PREX2: variants seen among roughly 807,000 people sequenced by gnomAD.
The protein encoded by PREX2 is phosphatidylinositol 3,4,5-trisphosphate-dependent Rac exchanger 2 protein.
In PREX2, 107 loss-of-function variants were observed where a neutral mutation model predicts 203.2. The observed-to-expected ratio is 0.53, with a 90% CI of 0.45 to 0.62. The LOEUF (loss-of-function observed/expected upper bound fraction) is 0.62, where lower values mean the gene tolerates loss of function less well. Among genes scored for constraint, PREX2 ranks in the 20% least tolerant of loss-of-function variants. The pLI is 0.00. For synonymous variants in PREX2, 672 were observed against 663.6 expected (o/e 1.01, Z -0.19); for missense variants, 1,777 against 1,955.9 (o/e 0.91, Z 1.72).
intron 1 of PREX2, among the ~76,000 whole-genome samples, chr8:68,016,176 A>G (rs1473930741): frequency 6.6e-6 from 1 of 152,176 alleles, no homozygotes; most frequent in Non-Finnish European, 1.5e-5. Flanking sequence ...ACAAAGGTCA[A>G]TTTCCTATTA....
intron 1 of PREX2, among the ~76,000 whole-genome samples, chr8:67,998,987 T>C (rs1806851206): frequency 6.6e-6 from 1 of 152,192 alleles, no homozygotes; most frequent in South Asian, 2.1e-4. Context: ...AGAGAGCGAT[T>C]TTGTAACTTA....
chr8:68,047,469 T>TTATATATATATA (rs3056653), intron 8 of PREX2, among the ~76,000 whole-genome samples: 1 of 117,630 alleles, frequency 8.5e-6, no homozygotes, highest in Admixed American at 8.9e-5. Context: ...ATGGATGAAT[T>TTATATATATATA]TATATATATA....
chr8:67,976,556 GAGAGAGACAGAGAC>G (rs1373919373), intron 1 of PREX2, among the ~76,000 whole-genome samples: 14 of 114,954 alleles, frequency 1.2e-4, no homozygotes, highest in Non-Finnish European at 1.7e-4. Flanking sequence ...GAGACAGAGA[GAGAGAGACAGAGAC>G]AGAGACAGAG....
rs1245933892 is a variant in PREX2, at chr8:68,201,276, G to A, written c.4604+8751G>A. 2.0e-5 allele frequency among the ~76,000 whole-genome samples: 3 copies of A among 151,420 alleles called. No individual in the cohort carries two copies. In the East Asian group the frequency reaches 5.8e-4, roughly 29 times the overall value. On this transcript the variant is annotated intron_variant, in intron 37 of 39. Coordinates refer to ENST00000288368, the MANE Select transcript of PREX2 (RefSeq NM_024870.4). ...CGATGTAAATGATTCTCTTTTTTTT[G>A]CATGTTAAGAGAGCAGGAGAGCAGG...
In PREX2 at chr8:67,979,933, C is replaced by T. The variant is rs1192562615; in HGVS notation, c.141+27398C>T. Among the ~76,000 whole-genome samples the T allele has an allele frequency of 2.0e-5, 3 of 152,134 alleles. No individual in the cohort carries two copies. In the East Asian group the frequency reaches 5.8e-4, roughly 29 times the overall value. On this transcript the variant is annotated intron_variant, in intron 1 of 39. Transcript: ENST00000288368. ...GAGGAGATCATGGTCTACTGCAATA[C>T]CAGACATGTAGACAGACACTTACAA...
At chr8:68,228,907 ACT>A (rs1281430764) in intron 39 of PREX2, among the ~76,000 whole-genome samples, 1 of 145,742 alleles carries the variant, frequency 6.9e-6, no homozygotes, top group African/African-American at 2.5e-5. Flanking sequence ...GTACCACTGC[ACT>A]CCAGCCTGGG....
At chr8:67,959,105 A>G (rs1805564124) in intron 1 of PREX2, among the ~76,000 whole-genome samples, 1 of 152,210 alleles carries the variant, frequency 6.6e-6, no homozygotes, top group South Asian at 2.1e-4. Context: ...GTCAATGTTT[A>G]AAGGATAGAG....
At chr8:68,177,923 G>C (rs1812013336) in intron 35 of PREX2, among the ~76,000 whole-genome samples, 1 of 152,066 alleles carries the variant, frequency 6.6e-6, no homozygotes, top group African/African-American at 2.4e-5. Context: ...GTTTGCTGAG[G>C]CTAATGGCTT....
intron 35 of PREX2, among the ~76,000 whole-genome samples, chr8:68,173,793 C>G (rs937568778): frequency 6.6e-6 from 1 of 152,068 alleles, no homozygotes; most frequent in Non-Finnish European, 1.5e-5. Context: ...TTGAAGAGAA[C>G]CTCCTCTGTC....
chr8:68,208,813 G>C (rs1450365667), intron 37 of PREX2, among the ~76,000 whole-genome samples: 1 of 152,030 alleles, frequency 6.6e-6, no homozygotes, highest in African/African-American at 2.4e-5. Flanking sequence ...TCTGAGCTGG[G>C]CATAGTGGCT....
At chr8:68,078,247 C>A (rs1192797951) in intron 15 of PREX2, among the ~76,000 whole-genome samples, 2 of 152,134 alleles carry the variant, frequency 1.3e-5, no homozygotes, top group Non-Finnish European at 2.9e-5. Context: ...CTCACCACAA[C>A]CTTTGCCTCG....
At chr8:68,204,976 C>T (rs559953471) in intron 37 of PREX2, among the ~76,000 whole-genome samples, 6 of 152,112 alleles carry the variant, frequency 3.9e-5, no homozygotes, top group Admixed American at 1.3e-4. Context: ...CCACCACGCC[C>T]GGCCCCCTCT....
chr8:68,156,441 G>C (rs1382677716), intron 34 of PREX2, among the ~76,000 whole-genome samples: 1 of 152,196 alleles, frequency 6.6e-6, no homozygotes, highest in Non-Finnish European at 1.5e-5. Flanking sequence ...ATATGTAATA[G>C]ACGTGTGTGT....
At chr8:68,207,441 A>G (rs1157417783) in intron 37 of PREX2, among the ~76,000 whole-genome samples, 1 of 152,206 alleles carries the variant, frequency 6.6e-6, no homozygotes, top group Non-Finnish European at 1.5e-5. Flanking sequence ...TGGATATAAT[A>G]TCATTGGCAC....
intron 33 of PREX2, among the ~76,000 whole-genome samples, chr8:68,144,294 T>C (rs753149484): frequency 2.6e-5 from 4 of 152,192 alleles, no homozygotes; most frequent in Non-Finnish European, 4.4e-5. Context: ...AATGACACCT[T>C]GACAATAGTG....
intron 15 of PREX2, among the ~76,000 whole-genome samples, chr8:68,079,309 A>T (rs1809443275): frequency 6.6e-6 from 1 of 152,256 alleles, no homozygotes; most frequent in Admixed American, 6.5e-5. Context: ...CCATTCATCC[A>T]GTCAACAATT....
rs116172474 is a variant in PREX2 at position 68,197,009 on chromosome 8, T to C, written c.4604+4484T>C. On this transcript the variant is annotated intron_variant, in intron 37 of 39. Coordinates refer to ENST00000288368, the MANE Select transcript of PREX2 (RefSeq NM_024870.4). The stretch of plus-strand genomic sequence containing the variant: ...GTTCTGGAGATAGGGAAGTTCAAGA[T>C]CAAAGTACTGGCAGATTCGGTGTCT... Among the ~76,000 whole-genome samples the C allele has an allele frequency of 3.9e-3, 596 of 152,272 alleles. 4 individuals carry two copies. Among genetic ancestry groups the C allele is most frequent in the African/African-American group, 0.014 (569 of 41,566 alleles).
At chr8:67,971,764 G>T (rs1309864971) in intron 1 of PREX2, among the ~76,000 whole-genome samples, 1 of 152,164 alleles carries the variant, frequency 6.6e-6, no homozygotes, top group Non-Finnish European at 1.5e-5. Flanking sequence ...TTAAAGTTTT[G>T]ATTTAACTTA....
chr8:68,113,214 C>T (rs1262940412), intron 25 of PREX2, among the ~76,000 whole-genome samples: 2 of 152,058 alleles, frequency 1.3e-5, no homozygotes, highest in East Asian at 3.9e-4. Flanking sequence ...AACACTTGTC[C>T]CACGGGGTCA....
Sources: allele counts gnomAD v4.1 joint callset (sites outside exome capture counted in the v4.1 genomes callset), GRCh38; gene constraint gnomAD v4.1.1; transcripts MANE v1.5; gene names NCBI Gene and HGNC (gene_info 2026-07-23, HGNC 2026-07-21).